The following CFAP299 variants were observed in gnomAD, a reference collection of about 807,000 sequenced individuals.
CFAP299 encodes cilia and flagella associated protein 299.
In CFAP299, 21 loss-of-function variants were observed where a neutral mutation model predicts 27.0. The ratio of observed to expected loss-of-function variants is 0.78; its 90% CI spans 0.55 to 1.12. The LOEUF (loss-of-function observed/expected upper bound fraction) is 1.12, where lower values mean the gene tolerates loss of function less well. Among genes scored for constraint, CFAP299 ranks in the 50% most tolerant of loss-of-function variants. The pLI is 0.00. For synonymous variants in CFAP299, 104 were observed against 98.1 expected (o/e 1.06, Z -0.36); for missense variants, 310 against 276.6 (o/e 1.12, Z -0.86).
the CFAP299 span, among the ~76,000 whole-genome samples, chr4:80,325,406 C>A: frequency 7.5e-3 from 1,144 of 152,254 alleles, 13 homozygotes; most frequent in African/African-American, 0.026. Context: ...TCTGAGATAT[C>A]AGTATATTTA....
At chr4:80,940,681 T>G (rs1737146900) in intron 4 of CFAP299, among the ~76,000 whole-genome samples, 1 of 152,176 alleles carries the variant, frequency 6.6e-6, no homozygotes, top group African/African-American at 2.4e-5. Context: ...TAAAATATTT[T>G]CATTTCACAA....
chr4:80,717,357 G>A (rs946774282), intron 3 of CFAP299, among the ~76,000 whole-genome samples: 1 of 152,060 alleles, frequency 6.6e-6, no homozygotes, highest in African/African-American at 2.4e-5. Flanking sequence ...GAACCAGAAC[G>A]TCTGGCAATG....
intron 4 of CFAP299, chr4:80,870,536 C>A: frequency 1.0e-6 from 1 of 989,362 alleles, no homozygotes. Context: ...TCAGCTCACC[C>A]TCATTTCTCT....
chr4:80,636,315 A>G (rs1238161507), intron 3 of CFAP299, among the ~76,000 whole-genome samples: 1 of 152,180 alleles, frequency 6.6e-6, no homozygotes, highest in Non-Finnish European at 1.5e-5. Flanking sequence ...GTCATCTATG[A>G]GTAAATGGAG....
intron 4 of CFAP299, among the ~76,000 whole-genome samples, chr4:80,899,094 C>A (rs562164342): frequency 6.6e-6 from 1 of 152,330 alleles, no homozygotes; most frequent in Non-Finnish European, 1.5e-5. Flanking sequence ...GTTACTCAAA[C>A]TCTCTCACAC....
At chr4:80,746,738 G>T (rs543200406) in intron 3 of CFAP299, among the ~76,000 whole-genome samples, 118 of 152,102 alleles carry the variant, frequency 7.8e-4, no homozygotes, top group African/African-American at 2.6e-3. Flanking sequence ...GGAGCAGACA[G>T]CTGTTTCCAT....
At chr4:80,777,576 T>A (rs1275544688) in intron 3 of CFAP299, among the ~76,000 whole-genome samples, 1 of 152,168 alleles carries the variant, frequency 6.6e-6, no homozygotes, top group African/African-American at 2.4e-5. Context: ...TTCTTACTTC[T>A]ACGCTCTTGG....
intron 3 of CFAP299, among the ~76,000 whole-genome samples, chr4:80,587,335 C>T (rs182607090): frequency 6.6e-6 from 1 of 152,020 alleles, no homozygotes; most frequent in East Asian, 1.9e-4. Context: ...CTTTAATTTC[C>T]TTATTTCCTG....
At chr4:80,744,465 T>C (rs1011886713) in intron 3 of CFAP299, among the ~76,000 whole-genome samples, 1 of 152,162 alleles carries the variant, frequency 6.6e-6, no homozygotes, top group African/African-American at 2.4e-5. Context: ...ATCTTCACTT[T>C]TGAAAAATTC....
chr4:80,840,274 T>A lies in CFAP299; in HGVS notation c.334-29719T>A, dbSNP rs566111885. Among the ~76,000 whole-genome samples, 7 of 152,234 alleles carry A rather than the reference T, an allele frequency of 4.6e-5. No homozygotes were observed. In the South Asian group the frequency reaches 1.4e-3, roughly 32 times the overall value. ...AATTAAGTACAGCATCAGCTACTTC[T>A]AAGGGTACATCTATCAAAAGTGTTT... On this transcript the variant is annotated intron_variant, in intron 3 of 5. Coordinates refer to ENST00000358105, the MANE Select transcript of CFAP299 (RefSeq NM_152770.3).
chr4:80,672,207 G>A (rs1560690015), intron 3 of CFAP299, among the ~76,000 whole-genome samples: 3 of 152,258 alleles, frequency 2.0e-5, no homozygotes, highest in Non-Finnish European at 4.4e-5. Context: ...AGAGTTTTTA[G>A]CATGAAGGGA....
At chr4:80,785,398 A>G (rs1727185124) in intron 3 of CFAP299, among the ~76,000 whole-genome samples, 1 of 152,158 alleles carries the variant, frequency 6.6e-6, no homozygotes, top group Non-Finnish European at 1.5e-5. Flanking sequence ...TCTCTTAACC[A>G]TCAAGTCTAT....
chr4:80,402,264 G>A (rs955155990), intron 2 of CFAP299, among the ~76,000 whole-genome samples: 5 of 152,062 alleles, frequency 3.3e-5, no homozygotes, highest in African/African-American at 1.2e-4. Context: ...GATTTGGAGG[G>A]GCCAGGGGTG....
At chr4:80,762,196 AC>A (rs1725577097) in intron 3 of CFAP299, among the ~76,000 whole-genome samples, 1 of 151,980 alleles carries the variant, frequency 6.6e-6, no homozygotes, top group African/African-American at 2.4e-5. Context: ...TGTTTCAAAA[AC>A]TGAAAACATA....
chr4:80,677,027 T>C (rs907393207), intron 3 of CFAP299, among the ~76,000 whole-genome samples: 3 of 152,064 alleles, frequency 2.0e-5, no homozygotes, highest in Non-Finnish European at 2.9e-5. Context: ...TTCTTTGAGG[T>C]TCATCATTAG....
At chr4:80,858,007 G>T (rs1313777998) in intron 3 of CFAP299, among the ~76,000 whole-genome samples, 1 of 151,996 alleles carries the variant, frequency 6.6e-6, no homozygotes, top group Non-Finnish European at 1.5e-5. Context: ...TGTACCTCTG[G>T]TAGAATTCGG....
At chr4:80,682,203 A>G (rs1332852958) in intron 3 of CFAP299, among the ~76,000 whole-genome samples, 1 of 152,168 alleles carries the variant, frequency 6.6e-6, no homozygotes, top group East Asian at 1.9e-4. Context: ...TTTTATGGTA[A>G]TTCAAATTCA....
intron 3 of CFAP299, among the ~76,000 whole-genome samples, chr4:80,866,050 C>A (rs1278979805): frequency 1.8e-5 from 1 of 56,512 alleles, no homozygotes; most frequent in East Asian, 7.7e-4. Flanking sequence ...CACCGTAGAA[C>A]TTAAAGTATT....
intron 2 of CFAP299, among the ~76,000 whole-genome samples, chr4:80,515,518 G>A (rs1732540269): frequency 6.6e-6 from 1 of 152,062 alleles, no homozygotes; most frequent in African/African-American, 2.4e-5. Context: ...TTTCTATATT[G>A]CTTTTTCTGT....
Sources: allele counts gnomAD v4.1 joint callset (sites outside exome capture counted in the v4.1 genomes callset), GRCh38; gene constraint gnomAD v4.1.1; transcripts MANE v1.5; gene names NCBI Gene and HGNC (gene_info 2026-07-23, HGNC 2026-07-21).